SH2D4A: variants seen among roughly 807,000 people sequenced by gnomAD.
The protein encoded by SH2D4A is SH2 domain-containing protein 4A.
Under a neutral mutation model 64.7 loss-of-function variants are expected in SH2D4A, and 70 were observed. The observed-to-expected ratio is 1.08, with a 90% CI of 0.89 to 1.32. SH2D4A has a LOEUF of 1.32. SH2D4A is among the 40% of genes most tolerant of loss of function. The probability of loss-of-function intolerance (pLI) is 0.00; values close to 1 mark genes in which losing one functional copy is unlikely to be tolerated. For synonymous variants in SH2D4A, 268 were observed against 200.7 expected (o/e 1.34, Z -2.83); for missense variants, 706 against 540.1 (o/e 1.31, Z -3.04).
intron 8 of SH2D4A, among the ~76,000 whole-genome samples, chr8:19,386,545 T>C (rs1585211710): frequency 1.3e-5 from 2 of 152,246 alleles, no homozygotes; most frequent in African/African-American, 4.8e-5. Flanking sequence ...AGCCCCAAGC[T>C]TCCCACTACA....
chr8:19,376,748 T>G (rs369504673), intron 8 of SH2D4A, among the ~76,000 whole-genome samples: 41 of 152,276 alleles, frequency 2.7e-4, no homozygotes, highest in African/African-American at 9.1e-4. Context: ...AAATTAAGCA[T>G]GAAGGCAACT....
intron 2 of SH2D4A, among the ~76,000 whole-genome samples, chr8:19,320,562 C>T (rs75634946): frequency 7.1e-6 from 1 of 141,728 alleles, no homozygotes; most frequent in African/African-American, 2.7e-5. Context: ...AGATCGAGGC[C>T]ACACTGAACT....
chr8:19,345,303 C>T (rs1379480095), intron 4 of SH2D4A, among the ~76,000 whole-genome samples: 2 of 151,120 alleles, frequency 1.3e-5, no homozygotes, highest in African/African-American at 4.9e-5. Flanking sequence ...GCTGAGGTGA[C>T]TTCTCAGTAG....
In SH2D4A at chr8:19,375,971, C is replaced by A. The variant is rs116003026; in HGVS notation, c.1048+2311C>A. Among the ~76,000 whole-genome samples the A allele has an allele frequency of 7.0e-3, 1,060 of 152,288 alleles. 5 individuals are homozygous for A. Among genetic ancestry groups the A allele is most frequent in the African/African-American group, 0.024 (1,012 of 41,574 alleles). ...ATTGCTCCAGTCCCATCTCAAGCCACTGTACCTGCCTCGGTCACCTCTCCA... is the reference window on the plus strand; with the variant it reads ...ATTGCTCCAGTCCCATCTCAAGCCAATGTACCTGCCTCGGTCACCTCTCCA... On this transcript the variant is annotated intron_variant, in intron 8 of 9. Coordinates refer to ENST00000265807, the MANE Select transcript of SH2D4A (RefSeq NM_022071.4).
At chr8:19,377,673 C>A (rs910465439) in intron 8 of SH2D4A, among the ~76,000 whole-genome samples, 2 of 151,914 alleles carry the variant, frequency 1.3e-5, no homozygotes, top group Non-Finnish European at 2.9e-5. Context: ...TTATTATATA[C>A]ATTATATATA....
intron 5 of SH2D4A, among the ~76,000 whole-genome samples, chr8:19,360,476 T>C (rs1179106860): frequency 6.6e-6 from 1 of 152,028 alleles, no homozygotes; most frequent in Non-Finnish European, 1.5e-5. Flanking sequence ...TACCCAAGTG[T>C]GATGGCACTT....
chr8:19,377,621 A>T lies in SH2D4A; in HGVS notation c.1048+3961A>T, dbSNP rs531322470. Among the ~76,000 whole-genome samples the T allele has an allele frequency of 2.8e-4, 42 of 152,282 alleles. No homozygotes were observed. The South Asian group carries it at 8.5e-3, about 31-fold the overall frequency. On this transcript the variant is annotated intron_variant, in intron 8 of 9. Coordinates refer to ENST00000265807, the MANE Select transcript of SH2D4A (RefSeq NM_022071.4). ...GTTCCTGGGATTTGTCCTTGCTTAT[A>T]CACATAGACAGGCTCATTCATTTTA...
In SH2D4A at chr8:19,391,405, G is replaced by C. The variant is rs186339696; in HGVS notation, c.1049-1913G>C. On this transcript the variant is annotated intron_variant, in intron 8 of 9. Transcript: ENST00000265807. ...GGTGTTCCATGGGTCTGTCTCAGCA[G>C]GGAAGGGGTGGAAAAGCGACTGGAC... is the stretch of plus-strand genomic sequence containing the variant. 1.6e-3 allele frequency among the ~76,000 whole-genome samples: 245 copies of C among 152,280 alleles called. 1 individual carries two copies. Among genetic ancestry groups the C allele is most frequent in the South Asian group, 7.0e-3 (34 of 4,824 alleles).
chr8:19,316,693 A>G (rs1053186891), intron 1 of SH2D4A, among the ~76,000 whole-genome samples: 1 of 152,168 alleles, frequency 6.6e-6, no homozygotes, highest in Non-Finnish European at 1.5e-5. Flanking sequence ...AATTTCATAC[A>G]TGGCACCACA....
At chr8:19,379,075 A>T (rs2053246141) in intron 8 of SH2D4A, among the ~76,000 whole-genome samples, 2 of 33,452 alleles carry the variant, frequency 6.0e-5, no homozygotes, top group African/African-American at 1.7e-4. Context: ...ACCCTGCCTT[A>T]AAAAAAAAAA....
At chr8:19,330,339 GAA>G (rs2052350111) in intron 2 of SH2D4A, among the ~76,000 whole-genome samples, 1 of 152,178 alleles carries the variant, frequency 6.6e-6, no homozygotes, top group African/African-American at 2.4e-5. Context: ...TCTTAGAGGT[GAA>G]AAGTCAGCAG....
At chr8:19,336,502 T>C (rs1370584365) in intron 4 of SH2D4A, among the ~76,000 whole-genome samples, 1 of 152,016 alleles carries the variant, frequency 6.6e-6, no homozygotes. Flanking sequence ...CGGCTCCCCT[T>C]CCCACACCCC....
In SH2D4A at chr8:19,373,712, G is replaced by A. The variant is rs767515877; in HGVS notation, c.1048+52G>A. The A allele has an allele frequency of 6.5e-6, 10 of 1,545,634 alleles. No individual in the cohort carries two copies. The East Asian group carries it at 2.1e-4, about 32-fold the overall frequency. ...GTTTCGTCTTAGGGCGGATGAAGCTGTGCTAATCTACCAGGAAGCCAGAAT... is the reference window on the plus strand; with the variant it reads ...GTTTCGTCTTAGGGCGGATGAAGCTATGCTAATCTACCAGGAAGCCAGAAT... On this transcript the variant is annotated intron_variant, in intron 8 of 9. Coordinates refer to ENST00000265807, the MANE Select transcript of SH2D4A (RefSeq NM_022071.4).
intron 2 of SH2D4A, among the ~76,000 whole-genome samples, chr8:19,320,309 G>A (rs377450428): frequency 3.3e-5 from 5 of 152,066 alleles, no homozygotes; most frequent in Non-Finnish European, 7.4e-5. Context: ...TTGAGACCAT[G>A]GGGGAGGAAA....
At chr8:19,366,558 A>T (rs2052998019) in intron 7 of SH2D4A, among the ~76,000 whole-genome samples, 1 of 152,136 alleles carries the variant, frequency 6.6e-6, no homozygotes, top group Non-Finnish European at 1.5e-5. Flanking sequence ...GCACTTTGAG[A>T]GGCCGAGGTG....
rs2052807064 is a variant in SH2D4A at position 19,357,226 on chromosome 8, T to C, written c.537T>C (p.Asn179=). The C allele has an allele frequency of 1.9e-6, 3 of 1,613,854 alleles. No homozygotes were observed. Among genetic ancestry groups the C allele is most frequent in the African/African-American group, 1.3e-5 (1 of 74,928 alleles). ...KIRSLSSSSR[N]IQQMLADSIN... ...AGTCACTCTCCAGTTCTTCAAGAAA[T>C]ATTCAACAAATGTTGGCAGATTCAA... The change falls in exon 5 of 10, where the codon AAT becomes AAC. Residue 179 remains asparagine (N), a synonymous_variant. Transcript: ENST00000265807.
rs970447777 is a variant in SH2D4A, at chr8:19,395,843, C to A, written c.*1201C>A. The A allele has an allele frequency of 1.3e-5, 2 of 152,166 alleles. No homozygotes were observed. The highest frequency in any genetic ancestry group is 2.9e-5 in the Non-Finnish European group (2 of 68,048). The allele number at this position is 152,166 out of a possible 1,614,324, so 9.4% of individuals were successfully genotyped here. On this transcript the variant is annotated 3_prime_UTR_variant, in exon 10 of 10. Coordinates refer to ENST00000265807, the MANE Select transcript of SH2D4A (RefSeq NM_022071.4). ...ATGCTGAGTTCATGCTGACTTGTTA[C>A]TATAGCCCCAGAAAGCTAATACAGT...
chr8:19,355,759 C>T (rs1482610848), intron 4 of SH2D4A, among the ~76,000 whole-genome samples: 4 of 152,174 alleles, frequency 2.6e-5, no homozygotes, highest in East Asian at 1.9e-4. Context: ...GGTCATAATA[C>T]GTCTTCAGTA....
At position 19,369,981 on chromosome 8, in the gene SH2D4A, T is replaced by C. The variant is rs182240960; in HGVS notation, c.918-3549T>C. ...ACATCACTCTTAGAACTGCTTTTGCTGTATCCCATAGGATTTGGTATGTTG... is the reference window on the plus strand; with the variant it reads ...ACATCACTCTTAGAACTGCTTTTGCCGTATCCCATAGGATTTGGTATGTTG... On this transcript the variant is annotated intron_variant, in intron 7 of 9. Coordinates refer to ENST00000265807, the MANE Select transcript of SH2D4A (RefSeq NM_022071.4). 2.6e-5 allele frequency among the ~76,000 whole-genome samples: 4 copies of C among 152,232 alleles called. No homozygotes were observed. The East Asian group carries it at 7.7e-4, about 29-fold the overall frequency.
Sources: gnomAD v4.1 joint callset for allele counts (sites outside exome capture counted in the v4.1 genomes callset) on GRCh38, gnomAD v4.1.1 for gene constraint, MANE v1.5 for transcripts, NCBI Gene and HGNC (gene_info 2026-07-23, HGNC 2026-07-21) for gene names.